C9orf43: variants seen among roughly 807,000 people sequenced by gnomAD.
C9orf43 encodes uncharacterized protein C9orf43.
In C9orf43, 45 loss-of-function variants were observed where a neutral mutation model predicts 59.1. The observed-to-expected ratio is 0.76, with a 90% CI of 0.60 to 0.98. The LOEUF (loss-of-function observed/expected upper bound fraction) is 0.98, where lower values mean the gene tolerates loss of function less well. C9orf43 is among the 50% of genes least tolerant of loss of function. The pLI is 0.00. For missense variants in C9orf43, 533 were observed against 554.9 expected (o/e 0.96, Z 0.40); for synonymous variants, 203 against 196.8 (o/e 1.03, Z -0.26).
rs2119115489 is a variant in C9orf43 at position 113,429,210 on chromosome 9, A to G, written c.1210A>G (p.Ile404Val). The G allele has an allele frequency of 1.9e-6, 3 of 1,614,190 alleles. No homozygotes were observed. Among genetic ancestry groups the G allele is most frequent in the East Asian group, 2.2e-5 (1 of 44,822 alleles). Residue 404 changes from isoleucine to valine, a missense_variant, in exon 14 of 14, where the codon ATT becomes GTT. Ile to Val is a conservative substitution (Grantham distance 29, BLOSUM62 3). Transcript: ENST00000374165. Reference sequence around the variant, plus strand: ...TGAAACAGAACCCACTAACAAGGACATTAGTGCTCCAGTGGACGCTGTGCC... The same window carrying G: ...TGAAACAGAACCCACTAACAAGGACGTTAGTGCTCCAGTGGACGCTGTGCC... ...LYETEPTNKDISAPVDAVPEA... is the reference protein window; with the variant it reads ...LYETEPTNKDVSAPVDAVPEA...
chr9:113,415,577 G>A (rs749117870), intron 3 of C9orf43, among the ~76,000 whole-genome samples: 20 of 152,102 alleles, frequency 1.3e-4, no homozygotes, highest in Admixed American at 7.9e-4. Context: ...GATTACAGGC[G>A]TGAGCCACCA....
chr9:113,421,800 A>G (rs1484270107), intron 5 of C9orf43, among the ~76,000 whole-genome samples: 4 of 152,224 alleles, frequency 2.6e-5, no homozygotes, highest in Non-Finnish European at 5.9e-5. Flanking sequence ...CTTTTTAAAA[A>G]ATAATCCTGT....
chr9:113,423,733 A>G (rs1828677865), intron 7 of C9orf43, among the ~76,000 whole-genome samples: 1 of 152,192 alleles, frequency 6.6e-6, no homozygotes, highest in Non-Finnish European at 1.5e-5. Flanking sequence ...ACTTTCATTT[A>G]AATTTGCACT....
At chr9:113,419,264 A>G in intron 4 of C9orf43, 99 bp downstream of exon 4, 1 of 897,698 alleles carries the variant, frequency 1.1e-6, no homozygotes, top group South Asian at 1.6e-5. Context: ...CAGGAGGACT[A>G]AAATCTGAAT....
chr9:113,422,994 A>T (rs1828641673), intron 6 of C9orf43, among the ~76,000 whole-genome samples: 2 of 152,340 alleles, frequency 1.3e-5, no homozygotes, highest in African/African-American at 2.4e-5. Flanking sequence ...CCATGAGAGT[A>T]GTGTCTTGGT....
chr9:113,422,405 T>A lies in C9orf43; in HGVS notation c.447-144T>A, dbSNP rs529506620. 642 of 1,195,882 alleles carry A rather than the reference T, an allele frequency of 5.4e-4. 10 individuals are homozygous for A. The South Asian group carries it at 9.6e-3, about 18-fold the overall frequency. The allele number at this position is 1,195,882 out of a possible 1,614,324, so 74.1% of individuals were successfully genotyped here. ...CCAACCAGCTATCTTTGAGTACTGA[T>A]CAAAGATAGGAATCTTTGTGGTCAT... On this transcript the variant is annotated intron_variant, in intron 5 of 13. Transcript: ENST00000374165.
chr9:113,413,566 T>C lies in C9orf43; in HGVS notation c.73T>C (p.Trp25Arg). The change falls in exon 2 of 14, where the codon TGG becomes CGG. Residue 25 changes from tryptophan to arginine, a missense_variant. Coordinates refer to ENST00000374165, the MANE Select transcript of C9orf43 (RefSeq NM_001278629.2). Reference protein sequence around the residue: ...GLAVCQHPQCWATIRRIERGH... With the variant: ...GLAVCQHPQCRATIRRIERGH... ...GGCTGTTTGTCAGCACCCACAATGC[T>C]GGGCAACTATCCGCCGCATTGAGAG... is the stretch of plus-strand genomic sequence containing the variant. 6.2e-7 allele frequency: 1 copy of C among 1,614,220 alleles called. No individual in the cohort carries two copies. Among genetic ancestry groups the C allele is most frequent in the Non-Finnish European group, 8.5e-7 (1 of 1,180,042 alleles).
intron 3 of C9orf43, among the ~76,000 whole-genome samples, chr9:113,415,598 C>T (rs1022438028): frequency 2.6e-5 from 4 of 152,096 alleles, no homozygotes; most frequent in South Asian, 2.1e-4. Flanking sequence ...TGCCCGGCCC[C>T]TGTCTTTCTA....
chr9:113,418,711 A>C (rs1211732301), intron 3 of C9orf43, among the ~76,000 whole-genome samples: 1 of 152,234 alleles, frequency 6.6e-6, no homozygotes, highest in Non-Finnish European at 1.5e-5. Context: ...CTACTGTATC[A>C]GAATTTCATG....
Position 113,425,373 on chromosome 9 carries a change from C to A in C9orf43, c.895C>A (p.Gln299Lys), listed in dbSNP as rs191493809. 1 of 1,613,686 alleles carries A rather than the reference C, an allele frequency of 6.2e-7. No homozygotes were observed. The highest frequency in any genetic ancestry group is 8.5e-7 in the Non-Finnish European group (1 of 1,179,716). ...GYRKQQQRQQ[Q>K]QQQQQKKVKT... The stretch of plus-strand genomic sequence containing the variant: ...CAGGAAACAGCAGCAGCGGCAGCAG[C>A]AGCAGCAGCAGCAACAGAAGAAGGT... The change falls in exon 10 of 14, where the codon CAG becomes AAG. Residue 299 changes from glutamine (Q) to lysine (K), a missense_variant. By Grantham distance (53) the Gln-to-Lys change is moderately conservative (BLOSUM62 1). Coordinates refer to ENST00000374165, the MANE Select transcript of C9orf43 (RefSeq NM_001278629.2).
intron 12 of C9orf43, 100 bp from the exon 13 acceptor site, chr9:113,428,800 T>C: frequency 2.9e-6 from 3 of 1,042,820 alleles, no homozygotes; most frequent in Non-Finnish European, 4.5e-6. Context: ...CTCTGGCTCA[T>C]CTTAGATGTT....
At chr9:113,416,359 T>C (rs915960759) in intron 3 of C9orf43, among the ~76,000 whole-genome samples, 1 of 152,238 alleles carries the variant, frequency 6.6e-6, no homozygotes, top group Non-Finnish European at 1.5e-5. Flanking sequence ...ACTGTCTGGC[T>C]CCTCTAATCA....
chr9:113,416,103 C>T (rs1828347377), intron 3 of C9orf43, among the ~76,000 whole-genome samples: 1 of 152,228 alleles, frequency 6.6e-6, no homozygotes, highest in Admixed American at 6.5e-5. Flanking sequence ...TTCAGTGTGT[C>T]TTGCTTTCTG....
intron 11 of C9orf43, among the ~76,000 whole-genome samples, chr9:113,427,083 G>C (rs1415716942): frequency 2.0e-5 from 3 of 152,228 alleles, no homozygotes; most frequent in African/African-American, 4.8e-5. Flanking sequence ...GCAGGGGCTT[G>C]TATGGACTGC....
chr9:113,429,143 G>T, intron 13 of C9orf43, 29 bp from the exon 14 acceptor site: 1 of 1,601,530 alleles, frequency 6.2e-7, no homozygotes, highest in South Asian at 1.1e-5. Context: ...GAGTTTACAG[G>T]TGCAATTAAT....
At chr9:113,418,414 T>G (rs1056324768) in intron 3 of C9orf43, among the ~76,000 whole-genome samples, 24 of 152,230 alleles carry the variant, frequency 1.6e-4, no homozygotes, top group African/African-American at 5.8e-4. Flanking sequence ...AGGAAATATA[T>G]TCTCAGACCC....
intron 4 of C9orf43, chr9:113,420,766 A>G: frequency 2.0e-6 from 2 of 985,366 alleles, no homozygotes; most frequent in Non-Finnish European, 2.4e-6. Flanking sequence ...GTGGGATCTA[A>G]GTCTTTGGAG....
chr9:113,426,965 G>T (rs1439486113), intron 11 of C9orf43, among the ~76,000 whole-genome samples: 1 of 152,194 alleles, frequency 6.6e-6, no homozygotes, highest in Admixed American at 6.5e-5. Flanking sequence ...AATAGCCTGT[G>T]CAAAGGCATC....
intron 5 of C9orf43, among the ~76,000 whole-genome samples, 159 bp from the exon 6 acceptor site, chr9:113,422,390 A>G (rs532348103): frequency 3.9e-5 from 6 of 152,362 alleles, no homozygotes; most frequent in Admixed American, 2.6e-4. Flanking sequence ...CCAACCAGCT[A>G]TCTTTGAGTA....
Sources: gnomAD v4.1 joint callset for allele counts (sites outside exome capture counted in the v4.1 genomes callset) on GRCh38, gnomAD v4.1.1 for gene constraint, MANE v1.5 for transcripts, NCBI Gene and HGNC (gene_info 2026-07-23, HGNC 2026-07-21) for gene names.